The following PTP4A1 variants were observed in gnomAD, a reference collection of about 807,000 sequenced individuals.
PTP4A1 encodes protein tyrosine phosphatase type IVA 1.
PTP4A1 carries 9 observed loss-of-function variants against 20.5 expected under a neutral mutation model. The observed-to-expected ratio is 0.44, with a 90% confidence interval of 0.26 to 0.77. The LOEUF (loss-of-function observed/expected upper bound fraction) is 0.77, where lower values mean the gene tolerates loss of function less well. Ranked by LOEUF, PTP4A1 falls within the 30% of genes least tolerant of loss-of-function variation. PTP4A1 has a pLI of 0.19. For missense variants in PTP4A1, 137 were observed against 218.8 expected (o/e 0.63, Z 2.36); for synonymous variants, 78 against 67.4 (o/e 1.16, Z -0.77).
chr6:63,547,943 TC>T (rs773915408), intron 2 of PTP4A1, among the ~76,000 whole-genome samples: 4 of 152,154 alleles, frequency 2.6e-5, no homozygotes, highest in Non-Finnish European at 4.4e-5. Context: ...CCCTTAAAGT[TC>T]CCCATTATCT....
In PTP4A1 at chr6:63,582,251, A is replaced by T. The variant is rs988202142; in HGVS notation, c.*2077A>T. 2.6e-5 allele frequency: 4 copies of T among 152,534 alleles called. No individual in the cohort carries two copies. The highest frequency in any genetic ancestry group is 9.7e-5 in the African/African-American group (4 of 41,432). 9.4% of individuals were successfully genotyped at this position (152,534 alleles called of 1,614,324 possible). On this transcript the variant is annotated 3_prime_UTR_variant, in exon 6 of 6. Transcript: ENST00000626021. The stretch of plus-strand genomic sequence containing the variant: ...AGAACATAATTTTATATAATCAATT[A>T]CTAAATGTTAAACTATTACCACACA...
chr6:63,549,255 T>C, intron 2 of PTP4A1: 1 of 748,398 alleles, frequency 1.3e-6, no homozygotes, highest in Admixed American at 1.7e-5. Flanking sequence ...GTCCAGGGCC[T>C]GGGTGAACTG....
intron 2 of PTP4A1, among the ~76,000 whole-genome samples, chr6:63,539,322 T>G (rs1775853692): frequency 6.6e-6 from 1 of 152,212 alleles, no homozygotes; most frequent in African/African-American, 2.4e-5. Flanking sequence ...CCACCTAACC[T>G]GAAGGATTAA....
At chr6:63,549,577 TA>T in intron 2 of PTP4A1, 1 of 599,488 alleles carries the variant, frequency 1.7e-6, no homozygotes. Flanking sequence ...TTTTTTTTTT[TA>T]AAGAAAACCT....
intron 3 of PTP4A1, among the ~76,000 whole-genome samples, chr6:63,557,909 A>C (rs1776758688): frequency 1.3e-5 from 2 of 150,054 alleles, no homozygotes; most frequent in East Asian, 3.9e-4. Flanking sequence ...TTTTTTTTTG[A>C]GACGGAGTCT....
chr6:63,530,324 G>A (rs779091565), intron 2 of PTP4A1, among the ~76,000 whole-genome samples: 19 of 152,140 alleles, frequency 1.2e-4, no homozygotes, highest in Non-Finnish European at 2.5e-4. Context: ...GACAAAGCCA[G>A]CCTGAGAAAA....
intron 2 of PTP4A1, among the ~76,000 whole-genome samples, chr6:63,546,098 A>G (rs1006235889): frequency 1.3e-5 from 2 of 152,206 alleles, no homozygotes; most frequent in Non-Finnish European, 2.9e-5. Flanking sequence ...CATCATTCAC[A>G]ATAGCCAACA....
intron 3 of PTP4A1, among the ~76,000 whole-genome samples, chr6:63,563,999 TA>T (rs1281781514): frequency 6.6e-6 from 1 of 152,166 alleles, no homozygotes; most frequent in Non-Finnish European, 1.5e-5. Flanking sequence ...CAACTATATT[TA>T]ATGGTGGCTC....
At position 63,581,483 on chromosome 6, in the gene PTP4A1, T is replaced by G. The variant is rs1778219303; in HGVS notation, c.*1309T>G. On this transcript the variant is annotated 3_prime_UTR_variant, in exon 6 of 6. Transcript: ENST00000626021. ...TGAGATTGGTTTGCTTAAAATTAACTTATTTTGTAGAAGACAAAATGAATT... is the reference window on the plus strand; with the variant it reads ...TGAGATTGGTTTGCTTAAAATTAACGTATTTTGTAGAAGACAAAATGAATT... 1 of 152,570 alleles carries G rather than the reference T, an allele frequency of 6.6e-6. No homozygotes were observed. The highest frequency in any genetic ancestry group is 1.5e-5 in the Non-Finnish European group (1 of 67,996). 9.5% of individuals were successfully genotyped at this position (152,570 alleles called of 1,614,324 possible).
chr6:63,556,688 A>G (rs879393350), intron 3 of PTP4A1, among the ~76,000 whole-genome samples: 7 of 152,196 alleles, frequency 4.6e-5, no homozygotes, highest in Non-Finnish European at 1.0e-4. Context: ...GTACTACATC[A>G]ATAATTTATT....
intron 1 of PTP4A1, among the ~76,000 whole-genome samples, chr6:63,574,670 A>G (rs2149511934): frequency 6.6e-6 from 1 of 152,296 alleles, no homozygotes; most frequent in South Asian, 2.1e-4. Flanking sequence ...TACTGCCTCA[A>G]ATTAGCTTTT....
At chr6:63,541,831 A>ACC (rs1452491846) in intron 2 of PTP4A1, among the ~76,000 whole-genome samples, 5 of 152,052 alleles carry the variant, frequency 3.3e-5, no homozygotes, top group Non-Finnish European at 7.4e-5. Flanking sequence ...TAATGGCTTC[A>ACC]CCCCTGTTTC....
At position 63,551,761 on chromosome 6, in the gene PTP4A1, C is replaced by T. The variant is rs184890623; in HGVS notation, c.-446+1268C>T. Among the ~76,000 whole-genome samples the T allele has an allele frequency of 1.5e-4, 22 of 150,356 alleles. No individual in the cohort carries two copies. In the East Asian group the frequency reaches 3.8e-3, roughly 26 times the overall value. ...TCCATGTGTTCTCATTGTTCAATTCCCAATTCCCACCTATGAATGAGAACA... is the reference window on the plus strand; with the variant it reads ...TCCATGTGTTCTCATTGTTCAATTCTCAATTCCCACCTATGAATGAGAACA... On this transcript the variant is annotated intron_variant, in intron 3 of 3. Transcript: ENST00000639568.
intron 3 of PTP4A1, among the ~76,000 whole-genome samples, chr6:63,564,972 A>G (rs77632793): frequency 0.025 from 3,743 of 152,298 alleles, 68 homozygotes; most frequent in Non-Finnish European, 0.036. Context: ...CATGCAAATG[A>G]AAAGTATTCT....
In PTP4A1 at chr6:63,577,080, A is replaced by G. The variant is rs2075656; in HGVS notation, c.105+95A>G. ...TAAAAACTACTTTGGAAAAAATGAG[A>G]TGATATACCTACAATTCCAGTTCCC... On this transcript the variant is annotated intron_variant, in intron 2 of 5. Coordinates refer to ENST00000626021, the MANE Select transcript of PTP4A1 (RefSeq NM_003463.5). The G allele has an allele frequency of 0.082, 72,111 of 876,192 alleles. 3,457 individuals are homozygous for G. The highest frequency in any genetic ancestry group is 0.17 in the East Asian group (6,591 of 38,160). The allele number at this position is 876,192 out of a possible 1,614,324, so 54.3% of individuals were successfully genotyped here.
chr6:63,558,091 C>T (rs1776768271), intron 3 of PTP4A1, among the ~76,000 whole-genome samples: 3 of 151,956 alleles, frequency 2.0e-5, no homozygotes, highest in South Asian at 4.1e-4. Flanking sequence ...AGGCTGGTCT[C>T]GAACTCCTGA....
intron 2 of PTP4A1, among the ~76,000 whole-genome samples, chr6:63,535,485 A>G (rs1459301130): frequency 6.6e-6 from 1 of 152,150 alleles, no homozygotes; most frequent in African/African-American, 2.4e-5. Flanking sequence ...AAAAAAAAGC[A>G]ATAATATGCA....
chr6:63,570,427 G>A (rs1777366946), upstream of PTP4A1, among the ~76,000 whole-genome samples: 1 of 152,150 alleles, frequency 6.6e-6, no homozygotes, highest in African/African-American at 2.4e-5. Context: ...AGGATAAGAT[G>A]GTACCTTGTC....
intron 2 of PTP4A1, among the ~76,000 whole-genome samples, chr6:63,530,358 T>G (rs1775399539): frequency 6.6e-6 from 1 of 152,096 alleles, no homozygotes; most frequent in African/African-American, 2.4e-5. Context: ...AATATTAAAT[T>G]TATATGATGG....
Sources: gnomAD v4.1 joint callset for allele counts (sites outside exome capture counted in the v4.1 genomes callset) on GRCh38, gnomAD v4.1.1 for gene constraint, MANE v1.5 for transcripts, NCBI Gene and HGNC (gene_info 2026-07-23, HGNC 2026-07-21) for gene names.